The following NCEH1 variants were observed in gnomAD, a reference collection of about 807,000 sequenced individuals.
NCEH1 encodes the protein 2-acetyl MAGE hydrolase.
NCEH1 carries 9 observed loss-of-function variants against 25.4 expected under a neutral mutation model. The observed-to-expected ratio is 0.35, with a 90% CI of 0.21 to 0.62. The LOEUF (loss-of-function observed/expected upper bound fraction) is 0.62, where lower values mean the gene tolerates loss of function less well. Among genes scored for constraint, NCEH1 ranks in the 20% least tolerant of loss-of-function variants. The pLI is 0.72. For synonymous variants in NCEH1, 200 were observed against 199.8 expected (o/e 1.00, Z -0.01); for missense variants, 412 against 501.1 (o/e 0.82, Z 1.70).
intron 3 of NCEH1, among the ~76,000 whole-genome samples, chr3:172,645,212 C>T (rs1031158003): frequency 2.6e-5 from 4 of 152,026 alleles, no homozygotes; most frequent in South Asian, 2.1e-4. Flanking sequence ...TTGTTGAACA[C>T]GTATTTCTGT....
At chr3:172,653,860 G>T (rs566145772) in intron 1 of NCEH1, among the ~76,000 whole-genome samples, 3 of 150,966 alleles carry the variant, frequency 2.0e-5, no homozygotes, top group South Asian at 4.2e-4. Context: ...TGGTTCAAGC[G>T]ATTTTCCTGC....
intron 3 of NCEH1, among the ~76,000 whole-genome samples, chr3:172,638,401 T>G (rs1317363897): frequency 6.6e-6 from 1 of 151,982 alleles, no homozygotes; most frequent in Non-Finnish European, 1.5e-5. Flanking sequence ...AAATGCTTTT[T>G]TTTTCCAGTT....
chr3:172,694,230 G>T (rs1713231488), intron 1 of NCEH1, among the ~76,000 whole-genome samples: 1 of 152,096 alleles, frequency 6.6e-6, no homozygotes, highest in Non-Finnish European at 1.5e-5. Context: ...ATCTAAAATG[G>T]ACTAAATTTA....
chr3:172,673,550 C>T (rs1409775773), intron 1 of NCEH1, among the ~76,000 whole-genome samples: 1 of 152,202 alleles, frequency 6.6e-6, no homozygotes, highest in Non-Finnish European at 1.5e-5. Context: ...AAAGGAAAGG[C>T]ATTTTCTTAA....
intron 3 of NCEH1, among the ~76,000 whole-genome samples, chr3:172,642,986 T>C (rs576691635): frequency 6.6e-6 from 1 of 152,308 alleles, no homozygotes; most frequent in East Asian, 1.9e-4. Context: ...TTGCCCAGGC[T>C]GGAGTGCAAT....
At chr3:172,678,000 T>G (rs1279900456) in intron 1 of NCEH1, among the ~76,000 whole-genome samples, 1 of 152,238 alleles carries the variant, frequency 6.6e-6, no homozygotes, top group Non-Finnish European at 1.5e-5. Context: ...GCTCTGAATA[T>G]TATCAATCAG....
intron 3 of NCEH1, chr3:172,636,306 A>C (rs1450543835): frequency 5.8e-6 from 2 of 344,652 alleles, no homozygotes; most frequent in East Asian, 9.5e-5. Context: ...TATTAGTAAT[A>C]GTACTATTTT....
intron 1 of NCEH1, among the ~76,000 whole-genome samples, chr3:172,652,870 ATTTT>A (rs33937237): frequency 7.2e-6 from 1 of 139,808 alleles, no homozygotes; most frequent in South Asian, 2.3e-4. Flanking sequence ...TAATTTTTGT[ATTTT>A]TTTTTTTTTT....
intron 1 of NCEH1, among the ~76,000 whole-genome samples, chr3:172,657,747 G>A (rs923829580): frequency 1.3e-5 from 2 of 152,214 alleles, no homozygotes; most frequent in East Asian, 3.9e-4. Context: ...ATTCCAGTCT[G>A]GTCCCACTCT....
In NCEH1 at chr3:172,633,508, A is replaced by G. The variant is rs924256770; in HGVS notation, c.1194T>C (p.Asn398=). The G allele has an allele frequency of 6.2e-7, 1 of 1,614,056 alleles. No homozygotes were observed. The highest frequency in any genetic ancestry group is 8.5e-7 in the Non-Finnish European group (1 of 1,179,994). ...TTTGATCTAGCCACTTGATGTAACT[A>G]TTCCTAGTCCGGATTCCCACTGAGA... ...TNFSVGIRTR[N]SYIKWLDQNL The change falls in exon 5 of 5, where the codon AAT becomes AAC. Residue 398 remains asparagine, a synonymous_variant. Transcript: ENST00000475381.
At chr3:172,639,973 G>A (rs186320799) in intron 3 of NCEH1, among the ~76,000 whole-genome samples, 219 of 152,314 alleles carry the variant, frequency 1.4e-3, no homozygotes, top group Non-Finnish European at 2.8e-3. Context: ...GGCAGAACTG[G>A]GATCTGAACT....
chr3:172,692,995 T>C (rs2108530260), intron 1 of NCEH1, among the ~76,000 whole-genome samples: 1 of 152,328 alleles, frequency 6.6e-6, no homozygotes, highest in African/African-American at 2.4e-5. Flanking sequence ...CAGACCCAGC[T>C]CAGCCAGCAC....
chr3:172,692,138 A>G (rs940156858), intron 1 of NCEH1, among the ~76,000 whole-genome samples: 4 of 152,160 alleles, frequency 2.6e-5, no homozygotes, highest in African/African-American at 9.7e-5. Context: ...CAACAACTGC[A>G]GTGTTTGTTT....
At chr3:172,643,238 C>T (rs550995717) in intron 3 of NCEH1, among the ~76,000 whole-genome samples, 86 of 152,208 alleles carry the variant, frequency 5.7e-4, no homozygotes, top group African/African-American at 2.0e-3. Context: ...CCGCGCCTGG[C>T]CTTTGCTTTG....
At chr3:172,675,327 A>AATTAATT (rs1553835603) in intron 1 of NCEH1, among the ~76,000 whole-genome samples, 78 of 148,950 alleles carry the variant, frequency 5.2e-4, no homozygotes, top group African/African-American at 1.6e-3. Context: ...ATAAATAAAT[A>AATTAATT]AATAAATAAA....
At chr3:172,665,617 G>A (rs940651357) in intron 1 of NCEH1, among the ~76,000 whole-genome samples, 27 of 152,176 alleles carry the variant, frequency 1.8e-4, no homozygotes, top group Admixed American at 3.3e-4. Context: ...GGCAGGCCTC[G>A]TTGAGCTGTG....
chr3:172,649,225 T>A lies in NCEH1; in HGVS notation c.139-1111A>T, dbSNP rs1717276981. ...ATTATAACTGTGTGTGTATATTTTA[T>A]ATATACATACATATATATATATACA... On this transcript the variant is annotated intron_variant, in intron 1 of 4. Coordinates refer to ENST00000475381, the MANE Select transcript of NCEH1 (RefSeq NM_020792.6). Among the ~76,000 whole-genome samples, 2 of 152,100 alleles carry A rather than the reference T, an allele frequency of 1.3e-5. 1 individual carries two copies. The highest frequency in any genetic ancestry group is 4.1e-4 in the South Asian group (2 of 4,834).
Position 172,703,988 on chromosome 3 carries a change from T to A in NCEH1, c.138+6859A>T, listed in dbSNP as rs188523057. Reference sequence around the variant, plus strand: ...TGGTTAGTGAAGTTACTAATGTGCATGAAGAAATACGCATCATCATAATTT... The same window carrying A: ...TGGTTAGTGAAGTTACTAATGTGCAAGAAGAAATACGCATCATCATAATTT... On this transcript the variant is annotated intron_variant, in intron 1 of 4. Transcript: ENST00000475381. Among the ~76,000 whole-genome samples, 2 of 152,266 alleles carry A rather than the reference T, an allele frequency of 1.3e-5. 1 individual carries two copies. Among genetic ancestry groups the A allele is most frequent in the South Asian group, 4.1e-4 (2 of 4,830 alleles).
intron 1 of NCEH1, among the ~76,000 whole-genome samples, chr3:172,658,658 C>T (rs1717814142): frequency 6.6e-6 from 1 of 152,084 alleles, no homozygotes; most frequent in Non-Finnish European, 1.5e-5. Context: ...CTAAGGAGAA[C>T]CTTACTGCCA....
Sources: gnomAD v4.1 joint callset for allele counts (sites outside exome capture counted in the v4.1 genomes callset) on GRCh38, gnomAD v4.1.1 for gene constraint, MANE v1.5 for transcripts, NCBI Gene and HGNC (gene_info 2026-07-23, HGNC 2026-07-21) for gene names.